EYS: variants seen among roughly 807,000 people sequenced by gnomAD.
EYS encodes the protein protein eyes shut homolog.
In EYS, 250 loss-of-function variants were observed where a neutral mutation model predicts 282.1. That is an observed-to-expected ratio of 0.89 (90% CI 0.80 to 0.98). The LOEUF is 0.98. Ranked by LOEUF, EYS falls within the 50% of genes least tolerant of loss-of-function variation. The pLI is 0.00. For synonymous variants in EYS, 1,355 were observed against 1,282.9 expected, an observed-to-expected ratio of 1.06 and a Z score of -1.20; for missense variants, 4,016 against 3,709.0, an observed-to-expected ratio of 1.08 and a Z score of -2.15.
intron 1 of EYS, among the ~76,000 whole-genome samples, chr6:65,701,826 T>G (rs12523724): frequency 0.29 from 44,168 of 151,892 alleles, 7,163 homozygotes; most frequent in African/African-American, 0.44. Flanking sequence ...TACATATATA[T>G]AGAGAGAGTT....
At chr6:64,026,032 C>T (rs1352203255) in intron 33 of EYS, among the ~76,000 whole-genome samples, 2 of 152,142 alleles carry the variant, frequency 1.3e-5, no homozygotes, top group Non-Finnish European at 2.9e-5. Flanking sequence ...ACTACTAAAT[C>T]CAACCTTCCT....
chr6:64,239,064 C>T (rs1172284630), intron 30 of EYS, among the ~76,000 whole-genome samples: 1 of 152,150 alleles, frequency 6.6e-6, no homozygotes, highest in African/African-American at 2.4e-5. Context: ...CATCCATGTC[C>T]CTGCAAAGGA....
At chr6:65,156,463 G>A (rs1446746046) in intron 12 of EYS, among the ~76,000 whole-genome samples, 1 of 150,958 alleles carries the variant, frequency 6.6e-6, no homozygotes, top group Non-Finnish European at 1.5e-5. Flanking sequence ...ACTTCCTTCA[G>A]TTCCCTTTCC....
chr6:65,320,725 C>A (rs1769451321), intron 11 of EYS, among the ~76,000 whole-genome samples: 1 of 152,152 alleles, frequency 6.6e-6, no homozygotes. Flanking sequence ...TTCAGGGATT[C>A]TTTTAGCTGC....
chr6:63,820,250 T>C (rs1316260964), intron 36 of EYS, among the ~76,000 whole-genome samples: 1 of 152,210 alleles, frequency 6.6e-6, no homozygotes, highest in Non-Finnish European at 1.5e-5. Flanking sequence ...CACCTTTTAC[T>C]TGTTGGCCAA....
At chr6:64,284,616 C>T (rs753971469) in intron 30 of EYS, among the ~76,000 whole-genome samples, 27 of 152,148 alleles carry the variant, frequency 1.8e-4, no homozygotes, top group South Asian at 6.2e-4. Context: ...TTCTTCATTG[C>T]CCTAGCAGAG....
At position 65,495,058 on chromosome 6, in the gene EYS, G is replaced by GT; in HGVS notation, c.352dup (p.Thr118AsnfsTer20). ...AAAAAGTAACTGATCTTCCGTTGTG[G>GT]TATTTTGCACACAGCCAACGAAAGA... On this transcript the variant is annotated frameshift_variant, in exon 4 of 43. Transcript: ENST00000503581. LOFTEE classifies it high-confidence loss of function. The GT allele has an allele frequency of 6.2e-7, 1 of 1,614,122 alleles. No individual in the cohort carries two copies. The highest frequency in any genetic ancestry group is 8.5e-7 in the Non-Finnish European group (1 of 1,180,024).
chr6:65,402,695 A>T, intron 6 of EYS, 90 bp from the exon 7 acceptor site: 1 of 856,666 alleles, frequency 1.2e-6, no homozygotes, highest in Non-Finnish European at 1.8e-6. Flanking sequence ...GGTTAAAATT[A>T]TTTTCATGAA....
At chr6:64,077,046 T>TA (rs1225621635) in intron 32 of EYS, among the ~76,000 whole-genome samples, 1 of 151,912 alleles carries the variant, frequency 6.6e-6, no homozygotes, top group African/African-American at 2.4e-5. Context: ...TTTGCTGTCA[T>TA]AAAAAAGATG....
At chr6:64,480,744 T>C (rs1490628575) in intron 26 of EYS, among the ~76,000 whole-genome samples, 1 of 151,796 alleles carries the variant, frequency 6.6e-6, no homozygotes, top group Admixed American at 6.6e-5. Flanking sequence ...TTAGCTAAAA[T>C]GAGGTTTGTC....
At position 65,637,826 on chromosome 6, in the gene EYS, G is replaced by A. The variant is rs1278806572; in HGVS notation, c.-333+1952C>T. ...CAGGAGGGAGGCTGGCGGGCGTGGT[G>A]AGTGGTGAGAGCAGCTCAGCATGGG... On this transcript the variant is annotated intron_variant, in intron 2 of 42. Transcript: ENST00000503581. Among the ~76,000 whole-genome samples the A allele has an allele frequency of 2.0e-5, 3 of 152,174 alleles. No individual in the cohort carries two copies. The East Asian group carries it at 5.8e-4, about 29-fold the overall frequency.
chr6:64,018,976 T>G (rs1231185721), intron 33 of EYS, among the ~76,000 whole-genome samples: 7 of 152,046 alleles, frequency 4.6e-5, no homozygotes, highest in Non-Finnish European at 8.8e-5. Flanking sequence ...GGTTTCGCCA[T>G]GTTGGCCAGA....
At chr6:64,027,514 G>A (rs185985958) in intron 33 of EYS, among the ~76,000 whole-genome samples, 4 of 152,274 alleles carry the variant, frequency 2.6e-5, no homozygotes, top group Admixed American at 1.3e-4. Context: ...TAGGGACCAA[G>A]AGGAACAGGC....
chr6:64,032,287 A>G (rs1372594484), intron 33 of EYS, among the ~76,000 whole-genome samples: 1 of 152,216 alleles, frequency 6.6e-6, no homozygotes, highest in East Asian at 1.9e-4. Context: ...CCACGGCTTC[A>G]TTCTTGAAGT....
chr6:64,317,663 G>T (rs1770028196), intron 29 of EYS, among the ~76,000 whole-genome samples: 1 of 152,078 alleles, frequency 6.6e-6, no homozygotes, highest in Non-Finnish European at 1.5e-5. Context: ...ATTTGACCCA[G>T]CAATCCCTTT....
intron 14 of EYS, among the ~76,000 whole-genome samples, chr6:64,974,057 A>G (rs1770392577): frequency 1.3e-5 from 2 of 152,082 alleles, no homozygotes; most frequent in South Asian, 4.1e-4. Flanking sequence ...TTCCATCATT[A>G]CATTTATGAG....
intron 2 of EYS, among the ~76,000 whole-genome samples, chr6:65,576,746 C>T (rs1365937632): frequency 1.3e-5 from 2 of 151,754 alleles, no homozygotes; most frequent in African/African-American, 4.8e-5. Flanking sequence ...ACAAAATCAA[C>T]ATACAAAATT....
chr6:65,023,049 TTTG>T (rs988199589), intron 13 of EYS, among the ~76,000 whole-genome samples: 3 of 152,038 alleles, frequency 2.0e-5, no homozygotes, highest in African/African-American at 7.2e-5. Context: ...TGGCTTTTAT[TTTG>T]GTGGTGGTGA....
At chr6:64,141,624 G>GA (rs1410347471) in intron 31 of EYS, among the ~76,000 whole-genome samples, 13 of 152,030 alleles carry the variant, frequency 8.6e-5, no homozygotes, top group Non-Finnish European at 1.8e-4. Context: ...TTCACTGACT[G>GA]AAAAAAGTAT....
Sources: gnomAD v4.1 joint callset for allele counts (sites outside exome capture counted in the v4.1 genomes callset) on GRCh38, gnomAD v4.1.1 for gene constraint, MANE v1.5 for transcripts, NCBI Gene and HGNC (gene_info 2026-07-23, HGNC 2026-07-21) for gene names.